Variants in PTPRJ observed in about 807,000 individuals in gnomAD.
PTPRJ encodes the protein protein tyrosine phosphatase receptor type J.
In PTPRJ, 129 loss-of-function variants were observed where a neutral mutation model predicts 141.3. The ratio of observed to expected loss-of-function variants is 0.91; its 90% CI spans 0.79 to 1.06. The LOEUF is 1.06. Among genes scored for constraint, PTPRJ ranks in the 50% least tolerant of loss-of-function variants. The pLI is 0.00. For missense variants in PTPRJ, 1,601 were observed against 1,679.7 expected (o/e 0.95, Z 0.82); for synonymous variants, 610 against 640.5 (o/e 0.95, Z 0.72).
chr11:48,095,887 A>T (rs1855991697), intron 1 of PTPRJ, among the ~76,000 whole-genome samples: 1 of 152,118 alleles, frequency 6.6e-6, no homozygotes, highest in East Asian at 1.9e-4. Context: ...TGCCTCAAGC[A>T]TCTATTTTGT....
chr11:48,159,832 C>T (rs1565333667), intron 21 of PTPRJ, 98 bp from the exon 22 acceptor site: 2 of 1,480,808 alleles, frequency 1.4e-6, no homozygotes, highest in South Asian at 1.2e-5. Flanking sequence ...GATTCCATCT[C>T]TGATGCCAGT....
intron 14 of PTPRJ, 49 bp downstream of exon 14, chr11:48,145,173 C>T (rs747811081): frequency 5.0e-6 from 8 of 1,610,400 alleles, no homozygotes; most frequent in Middle Eastern, 2.1e-4. Flanking sequence ...CATTTTGCTC[C>T]ACGTGTCCAT....
At position 48,070,229 on chromosome 11, in the gene PTPRJ, G is replaced by A. The variant is rs146514166; in HGVS notation, c.97-39829G>A. On this transcript the variant is annotated intron_variant, in intron 1 of 24. Coordinates refer to ENST00000418331, the MANE Select transcript of PTPRJ (RefSeq NM_002843.4). Reference sequence around the variant, plus strand: ...AGAAATGGCACAAGGGGCTGGGCGCGGTGGCTCATGCCTGTAATCCCAGCA... The same window carrying A: ...AGAAATGGCACAAGGGGCTGGGCGCAGTGGCTCATGCCTGTAATCCCAGCA... Among the ~76,000 whole-genome samples, 120 of 152,226 alleles carry A rather than the reference G, an allele frequency of 7.9e-4. 3 individuals are homozygous for A. The highest frequency in any genetic ancestry group is 2.2e-3 in the African/African-American group (91 of 41,548).
chr11:48,132,392 G>A lies in PTPRJ; in HGVS notation c.1615+1676G>A, dbSNP rs114634496. Reference sequence around the variant, plus strand: ...AAAAAAATTTTTTTTTATAGAAACAGTTTAAATTATTAAATTATTTCTAGG... The same window carrying A: ...AAAAAAATTTTTTTTTATAGAAACAATTTAAATTATTAAATTATTTCTAGG... On this transcript the variant is annotated intron_variant, in intron 8 of 24. Transcript: ENST00000418331. The A allele has an allele frequency of 5.0e-3, 4,884 of 978,296 alleles. 180 individuals are homozygous for A. In the African/African-American group the frequency reaches 0.08, roughly 16 times the overall value. The allele number at this position is 978,296 out of a possible 1,614,324, so 60.6% of individuals were successfully genotyped here. A position where few individuals can be genotyped will look rare whatever the true frequency, so the allele number is the denominator to read the frequency against.
chr11:48,029,387 A>G (rs2134222660), intron 1 of PTPRJ, among the ~76,000 whole-genome samples: 1 of 152,352 alleles, frequency 6.6e-6, no homozygotes, highest in South Asian at 2.1e-4. Context: ...ATCATACAGA[A>G]AGGCAGAAGG....
chr11:48,004,086 T>A (rs1452349831), intron 1 of PTPRJ, among the ~76,000 whole-genome samples: 1 of 152,172 alleles, frequency 6.6e-6, no homozygotes, highest in Non-Finnish European at 1.5e-5. Context: ...CATCAGGTGC[T>A]CTCATTTTAT....
At chr11:48,013,477 C>T (rs566389261) in intron 1 of PTPRJ, among the ~76,000 whole-genome samples, 4 of 152,244 alleles carry the variant, frequency 2.6e-5, no homozygotes, top group South Asian at 4.1e-4. Context: ...CCTGGCCTCC[C>T]GGAAGTGCTC....
chr11:48,009,154 C>T (rs1212449888), intron 1 of PTPRJ, among the ~76,000 whole-genome samples: 1 of 152,120 alleles, frequency 6.6e-6, no homozygotes, highest in East Asian at 1.9e-4. Context: ...TGGAAACAAC[C>T]TAAGTATTGA....
intron 2 of PTPRJ, 121 bp downstream of exon 2, chr11:48,110,197 T>C (rs1856404020): frequency 1.8e-6 from 2 of 1,105,436 alleles, no homozygotes; most frequent in Admixed American, 2.4e-5. Context: ...TTCCAATTTT[T>C]CTTTTTCTTT....
intron 1 of PTPRJ, among the ~76,000 whole-genome samples, chr11:48,087,818 A>G (rs1291460930): frequency 1.3e-5 from 2 of 152,206 alleles, no homozygotes; most frequent in East Asian, 1.9e-4. Context: ...GGATTAGGAA[A>G]AACTGACAAA....
chr11:48,157,438 G>A (rs922769747), intron 21 of PTPRJ, among the ~76,000 whole-genome samples: 1 of 152,214 alleles, frequency 6.6e-6, no homozygotes, highest in Non-Finnish European at 1.5e-5. Flanking sequence ...ATTGCTTGAG[G>A]AATAGGATTC....
intron 1 of PTPRJ, among the ~76,000 whole-genome samples, chr11:48,100,063 T>G (rs899723196): frequency 6.6e-6 from 1 of 151,622 alleles, no homozygotes; most frequent in Admixed American, 6.6e-5. Context: ...CACTGGCAGG[T>G]GTGTGTTGTG....
At chr11:48,072,458 TA>T (rs1286169314) in intron 1 of PTPRJ, among the ~76,000 whole-genome samples, 2 of 152,188 alleles carry the variant, frequency 1.3e-5, no homozygotes, top group African/African-American at 4.8e-5. Context: ...CAATGGCAAT[TA>T]AATTTCAACA....
At chr11:48,061,129 A>G (rs1854910881) in intron 1 of PTPRJ, among the ~76,000 whole-genome samples, 1 of 152,100 alleles carries the variant, frequency 6.6e-6, no homozygotes, top group Admixed American at 6.5e-5. Context: ...GGCATGTACC[A>G]CCACACCTGG....
intron 1 of PTPRJ, among the ~76,000 whole-genome samples, chr11:48,061,909 GTTT>G (rs551934826): frequency 7.4e-6 from 1 of 134,582 alleles, no homozygotes; most frequent in African/African-American, 2.6e-5. Context: ...CCAACTTATA[GTTT>G]TTTTTTTTTT....
intron 1 of PTPRJ, among the ~76,000 whole-genome samples, chr11:47,992,600 T>G (rs1854224444): frequency 6.6e-6 from 1 of 152,180 alleles, no homozygotes; most frequent in South Asian, 2.1e-4. Context: ...CCTGTGAATA[T>G]TAGTATTTAT....
chr11:48,008,420 C>T (rs1854682724), intron 1 of PTPRJ, among the ~76,000 whole-genome samples: 2 of 152,114 alleles, frequency 1.3e-5, no homozygotes, highest in South Asian at 4.1e-4. Flanking sequence ...CCACCACGCC[C>T]AGCTAATTTT....
chr11:48,013,346 G>T lies in PTPRJ; in HGVS notation c.96+32338G>T, dbSNP rs532866354. On this transcript the variant is annotated intron_variant, in intron 1 of 24. Coordinates refer to ENST00000418331, the MANE Select transcript of PTPRJ (RefSeq NM_002843.4). The stretch of plus-strand genomic sequence containing the variant: ...GCTTGGAGCGCAGCAGCATACAGGG[G>T]TCAGAGGTCAAGGCCAGTGGTCTAT... 4.6e-5 allele frequency among the ~76,000 whole-genome samples: 7 copies of T among 152,250 alleles called. 1 individual carries two copies. In the East Asian group the frequency reaches 1.4e-3, roughly 29 times the overall value.
At chr11:48,077,923 C>A (rs1395493925) in intron 1 of PTPRJ, among the ~76,000 whole-genome samples, 2 of 152,136 alleles carry the variant, frequency 1.3e-5, no homozygotes, top group Non-Finnish European at 2.9e-5. Context: ...TGTATCCTGC[C>A]CTTCAATGGC....
Sources: gnomAD v4.1 joint callset for allele counts (sites outside exome capture counted in the v4.1 genomes callset) on GRCh38, gnomAD v4.1.1 for gene constraint, MANE v1.5 for transcripts, NCBI Gene and HGNC (gene_info 2026-07-23, HGNC 2026-07-21) for gene names.